The following CADM2 variants were observed in gnomAD, a reference collection of about 807,000 sequenced individuals.
CADM2 encodes immunoglobulin superfamily member 4D.
A neutral mutation model predicts 49.8 loss-of-function variants in CADM2; 12 were observed. The observed-to-expected ratio is 0.24, with a 90% CI of 0.15 to 0.39. CADM2 has a LOEUF of 0.39. CADM2 is among the 10% of genes least tolerant of loss of function. The pLI is 1.00. For synonymous variants in CADM2, 214 were observed against 175.4 expected (o/e 1.22, Z -1.74); for missense variants, 378 against 492.3 (o/e 0.77, Z 2.20).
At chr3:85,772,706 T>C (rs1386270629) in intron 2 of CADM2, among the ~76,000 whole-genome samples, 1 of 151,986 alleles carries the variant, frequency 6.6e-6, no homozygotes, top group African/African-American at 2.4e-5. Flanking sequence ...GAGGATATTT[T>C]GCAAACCTTA....
intron 1 of CADM2, among the ~76,000 whole-genome samples, chr3:84,989,170 C>T (rs1353451262): frequency 3.9e-5 from 6 of 152,104 alleles, no homozygotes; most frequent in African/African-American, 1.4e-4. Flanking sequence ...TATTTTGGAG[C>T]TTTAAACTTT....
chr3:85,570,677 T>C (rs1205638578), intron 1 of CADM2, among the ~76,000 whole-genome samples: 1 of 152,202 alleles, frequency 6.6e-6, no homozygotes, highest in Non-Finnish European at 1.5e-5. Flanking sequence ...AGCTATACCC[T>C]ACATTATTAC....
intron 1 of CADM2, among the ~76,000 whole-genome samples, chr3:85,547,563 G>A (rs1340302175): frequency 2.0e-5 from 3 of 152,106 alleles, no homozygotes; most frequent in African/African-American, 4.8e-5. Flanking sequence ...ACCCCACTCC[G>A]TGTCTTATTC....
intron 1 of CADM2, among the ~76,000 whole-genome samples, chr3:85,635,188 A>G (rs910970173): frequency 6.6e-6 from 1 of 152,082 alleles, no homozygotes; most frequent in African/African-American, 2.4e-5. Context: ...AAAAAATACA[A>G]TCTCATGAAA....
chr3:85,395,771 C>T (rs1184714876), intron 1 of CADM2, among the ~76,000 whole-genome samples: 2 of 151,780 alleles, frequency 1.3e-5, no homozygotes, highest in African/African-American at 4.8e-5. Flanking sequence ...AATTACACAT[C>T]AGTGATTGAA....
At chr3:85,349,961 G>A (rs2031171049) in intron 1 of CADM2, among the ~76,000 whole-genome samples, 1 of 152,172 alleles carries the variant, frequency 6.6e-6, no homozygotes, top group Non-Finnish European at 1.5e-5. Context: ...ACTGCCTGCT[G>A]ATGTTTCATT....
intron 1 of CADM2, among the ~76,000 whole-genome samples, chr3:85,278,906 TATC>T: frequency 6.6e-6 from 1 of 151,590 alleles, no homozygotes; most frequent in Middle Eastern, 3.4e-3. Flanking sequence ...GAGTATCACA[TATC>T]AATGTAAAAC....
chr3:85,489,670 TCAAA>T (rs1288961752), intron 1 of CADM2, among the ~76,000 whole-genome samples: 1 of 131,438 alleles, frequency 7.6e-6, no homozygotes, highest in Non-Finnish European at 1.7e-5. Flanking sequence ...AGAAAAAAAA[TCAAA>T]CAAAACGAAA....
intron 1 of CADM2, among the ~76,000 whole-genome samples, chr3:85,656,973 A>G (rs777967338): frequency 1.3e-4 from 20 of 152,110 alleles, no homozygotes; most frequent in Non-Finnish European, 2.5e-4. Flanking sequence ...TGATTACACT[A>G]CTTCTAAATA....
intron 1 of CADM2, among the ~76,000 whole-genome samples, chr3:85,661,707 G>C (rs1422432279): frequency 6.6e-6 from 1 of 151,918 alleles, no homozygotes; most frequent in African/African-American, 2.4e-5. Flanking sequence ...AAGACCACTA[G>C]CTCAAATAAC....
chr3:85,541,911 T>A (rs1206878832), intron 1 of CADM2, among the ~76,000 whole-genome samples: 2 of 150,496 alleles, frequency 1.3e-5, no homozygotes, highest in Non-Finnish European at 1.5e-5. Context: ...CGACATGGAG[T>A]ATACACTGTG....
intron 8 of CADM2, among the ~76,000 whole-genome samples, chr3:85,970,256 T>C (rs922676318): frequency 6.6e-6 from 1 of 151,482 alleles, no homozygotes; most frequent in African/African-American, 2.4e-5. Context: ...CAAGTATGTG[T>C]TTTCATCTTT....
intron 1 of CADM2, among the ~76,000 whole-genome samples, chr3:85,234,063 A>G (rs1002481067): frequency 2.6e-5 from 4 of 152,042 alleles, no homozygotes; most frequent in Non-Finnish European, 1.5e-5. Context: ...ATTAGGTACT[A>G]TTATTTTCCC....
At chr3:85,971,911 CT>C (rs886282877) in intron 8 of CADM2, among the ~76,000 whole-genome samples, 143 of 150,938 alleles carry the variant, frequency 9.5e-4, no homozygotes, top group African/African-American at 3.3e-3. Flanking sequence ...TTAAGAACAG[CT>C]TTTTTTTTCT....
chr3:85,079,869 A>G (rs1341773118), intron 1 of CADM2, among the ~76,000 whole-genome samples: 1 of 151,930 alleles, frequency 6.6e-6, no homozygotes, highest in Admixed American at 6.6e-5. Flanking sequence ...CAAAATAAAC[A>G]TCATCACTAA....
chr3:85,926,030 G>A (rs143810737), intron 6 of CADM2, among the ~76,000 whole-genome samples: 1,585 of 151,894 alleles, frequency 0.01, 15 homozygotes, highest in Middle Eastern at 0.044. Context: ...CCAGCTACTC[G>A]GGAGGCTGAG....
intron 1 of CADM2, among the ~76,000 whole-genome samples, chr3:85,099,958 A>G (rs764355770): frequency 1.2e-4 from 18 of 152,056 alleles, no homozygotes; most frequent in Non-Finnish European, 1.8e-4. Flanking sequence ...ATTGAATTTT[A>G]TTTATTCCAT....
At chr3:85,643,706 G>A (rs1437249533) in intron 1 of CADM2, among the ~76,000 whole-genome samples, 20 of 152,036 alleles carry the variant, frequency 1.3e-4, no homozygotes, top group Admixed American at 1.0e-3. Flanking sequence ...ATACTATAAT[G>A]CTACACAGTA....
At chr3:86,016,096 G>C (rs1367162176) in intron 8 of CADM2, among the ~76,000 whole-genome samples, 2 of 151,960 alleles carry the variant, frequency 1.3e-5, no homozygotes, top group African/African-American at 4.8e-5. Context: ...CGAGCTTCTA[G>C]AAATTTTACT....
Sources: gnomAD v4.1 joint callset for allele counts (sites outside exome capture counted in the v4.1 genomes callset) on GRCh38, gnomAD v4.1.1 for gene constraint, MANE v1.5 for transcripts, NCBI Gene and HGNC (gene_info 2026-07-23, HGNC 2026-07-21) for gene names.